TLK1: variants seen among roughly 807,000 people sequenced by gnomAD.
TLK1 encodes tousled like kinase 1, also known as serine/threonine-protein kinase tousled-like 1.
TLK1 carries 24 observed loss-of-function variants against 105.3 expected under a neutral mutation model. That is an observed-to-expected ratio of 0.23 (90% confidence interval 0.17 to 0.32). The LOEUF (loss-of-function observed/expected upper bound fraction) is 0.32, where lower values mean the gene tolerates loss of function less well. Ranked by LOEUF, TLK1 falls within the 10% of genes least tolerant of loss-of-function variation. TLK1 has a pLI of 1.00. For missense variants in TLK1, 558 were observed against 910.5 expected (o/e 0.61, Z 4.98); for synonymous variants, 321 against 310.4 (o/e 1.03, Z -0.36).
At chr2:171,122,769 T>C (rs1004170148) in intron 1 of TLK1, among the ~76,000 whole-genome samples, 9 of 152,078 alleles carry the variant, frequency 5.9e-5, no homozygotes, top group Admixed American at 6.6e-5. Flanking sequence ...CCAGGTGCAG[T>C]GGCTCACATC....
intron 1 of TLK1, among the ~76,000 whole-genome samples, chr2:171,225,516 T>C (rs1332433781): frequency 6.6e-6 from 1 of 152,154 alleles, no homozygotes; most frequent in Non-Finnish European, 1.5e-5. Flanking sequence ...TGTACACTGC[T>C]GGTAGGAAGG....
intron 7 of TLK1, 45 bp downstream of exon 7, chr2:171,055,038 G>A (rs767099686): frequency 8.6e-7 from 1 of 1,157,336 alleles, no homozygotes; most frequent in Non-Finnish European, 1.2e-6. Flanking sequence ...GTTAGTCAAT[G>A]GTTTCTTAGA....
intron 1 of TLK1, among the ~76,000 whole-genome samples, chr2:171,142,911 T>C (rs1356711299): frequency 6.6e-6 from 1 of 151,932 alleles, no homozygotes; most frequent in African/African-American, 2.4e-5. Flanking sequence ...TAGAATGGAG[T>C]CAAATCAGAA....
In TLK1 at chr2:171,041,302, C is replaced by G. The variant is rs181848739; in HGVS notation, c.1169+4872G>C. On this transcript the variant is annotated intron_variant, in intron 11 of 20. Coordinates refer to ENST00000431350, the MANE Select transcript of TLK1 (RefSeq NM_012290.5). ...TTCAACAGTATAATGTAGATACTTTCACAAGAAAATGGAGATTCAAAGAAG... is the reference window on the plus strand; with the variant it reads ...TTCAACAGTATAATGTAGATACTTTGACAAGAAAATGGAGATTCAAAGAAG... Among the ~76,000 whole-genome samples, 148 of 152,304 alleles carry G rather than the reference C, an allele frequency of 9.7e-4. 2 individuals are homozygous for G. Among genetic ancestry groups the G allele is most frequent in the Non-Finnish European group, 1.2e-4 (8 of 68,026 alleles).
At chr2:171,209,643 T>C (rs1416086621) in intron 1 of TLK1, among the ~76,000 whole-genome samples, 1 of 152,154 alleles carries the variant, frequency 6.6e-6, no homozygotes, top group Non-Finnish European at 1.5e-5. Flanking sequence ...GATATGATCT[T>C]TAAGGAGGTA....
upstream of TLK1, among the ~76,000 whole-genome samples, chr2:171,164,750 C>T (rs1270828624): frequency 6.6e-6 from 1 of 152,002 alleles, no homozygotes; most frequent in Non-Finnish European, 1.5e-5. Context: ...TAAATGAAAA[C>T]TTTTAAATGG....
intron 8 of TLK1, among the ~76,000 whole-genome samples, chr2:171,052,939 T>C (rs949602954): frequency 6.6e-6 from 1 of 152,164 alleles, no homozygotes; most frequent in African/African-American, 2.4e-5. Flanking sequence ...AAGACCTACA[T>C]CATCATCAAC....
At chr2:171,147,128 T>A (rs1487697782) in intron 1 of TLK1, among the ~76,000 whole-genome samples, 2 of 152,220 alleles carry the variant, frequency 1.3e-5, no homozygotes, top group Non-Finnish European at 2.9e-5. Flanking sequence ...AAATTATCCT[T>A]CCTCACTAGA....
intron 1 of TLK1, among the ~76,000 whole-genome samples, chr2:171,209,127 C>T (rs79082917): frequency 6.6e-6 from 1 of 152,188 alleles, no homozygotes; most frequent in African/African-American, 2.4e-5. Context: ...AAGTAAGGTG[C>T]AGCACAGCGT....
Position 170,992,658 on chromosome 2 carries a change from T to C in TLK1, c.*1122A>G, listed in dbSNP as rs1306354753. Reference sequence around the variant, plus strand: ...AATTATGTCCAACATGGATCACTTTTACATCTTGATTGTTAATGACTGTCT... The same window carrying C: ...AATTATGTCCAACATGGATCACTTTCACATCTTGATTGTTAATGACTGTCT... On this transcript the variant is annotated 3_prime_UTR_variant, in exon 21 of 21. Transcript: ENST00000431350. 3 of 152,636 alleles carry C rather than the reference T, an allele frequency of 2.0e-5. No individual in the cohort carries two copies. Among genetic ancestry groups the C allele is most frequent in the African/African-American group, 7.2e-5 (3 of 41,470 alleles). The allele number at this position is 152,636 out of a possible 1,614,324, so 9.5% of individuals were successfully genotyped here.
At chr2:171,199,979 A>G (rs1466634520) in intron 1 of TLK1, among the ~76,000 whole-genome samples, 1 of 152,206 alleles carries the variant, frequency 6.6e-6, no homozygotes, top group Non-Finnish European at 1.5e-5. Context: ...GGCTTACAAT[A>G]ATGGCCAATG....
At chr2:171,190,776 T>C (rs1339189887) in intron 1 of TLK1, among the ~76,000 whole-genome samples, 2 of 152,222 alleles carry the variant, frequency 1.3e-5, no homozygotes, top group African/African-American at 4.8e-5. Flanking sequence ...TATAATGTTT[T>C]TCTTTGTGAT....
At chr2:171,051,350 T>C (rs1044198440) in intron 8 of TLK1, among the ~76,000 whole-genome samples, 3 of 152,082 alleles carry the variant, frequency 2.0e-5, no homozygotes, top group African/African-American at 7.2e-5. Flanking sequence ...CCTAGCCAAA[T>C]GACTACAGTT....
intron 11 of TLK1, among the ~76,000 whole-genome samples, chr2:171,039,836 A>G (rs1024655697): frequency 6.6e-6 from 1 of 152,190 alleles, no homozygotes; most frequent in African/African-American, 2.4e-5. Context: ...TAATTTTCAG[A>G]CAAACAAAAA....
chr2:171,217,326 C>T (rs970514981), intron 1 of TLK1, among the ~76,000 whole-genome samples: 11 of 152,200 alleles, frequency 7.2e-5, no homozygotes, highest in African/African-American at 2.7e-4. Context: ...ACCATTCTCC[C>T]TCTCAAATCC....
intron 13 of TLK1, among the ~76,000 whole-genome samples, chr2:171,014,024 C>G (rs1685055569): frequency 6.6e-6 from 1 of 152,258 alleles, no homozygotes; most frequent in Admixed American, 6.5e-5. Flanking sequence ...ATTAAGAACA[C>G]AGACTGTAAG....
chr2:171,181,652 G>A (rs1451664607), intron 1 of TLK1, among the ~76,000 whole-genome samples: 1 of 152,064 alleles, frequency 6.6e-6, no homozygotes, highest in East Asian at 1.9e-4. Context: ...GCAAGGAGAG[G>A]GAGAGGCACC....
chr2:171,099,210 AAAACAGC>A (rs1395057119), intron 2 of TLK1, among the ~76,000 whole-genome samples: 2 of 152,244 alleles, frequency 1.3e-5, no homozygotes, highest in African/African-American at 4.8e-5. Context: ...GTATATCTAT[AAAACAGC>A]AAAGAGCAAT....
rs533818828 is a variant in TLK1 at position 171,017,509 on chromosome 2, CATAA to C, written c.1237-2565_1237-2562del. Among the ~76,000 whole-genome samples the C allele has an allele frequency of 1.8e-3, 267 of 152,200 alleles. 2 individuals are homozygous for C. Among genetic ancestry groups the C allele is most frequent in the East Asian group, 1.2e-3 (6 of 5,186 alleles). On this transcript the variant is annotated intron_variant, in intron 12 of 20. Coordinates refer to ENST00000431350, the MANE Select transcript of TLK1 (RefSeq NM_012290.5). ...TTATAAAAGCTAATTTTTACTGAGT[CATAA>C]ATAAGTAAGATTCAAATAGGTTGTT...
Sources: allele counts gnomAD v4.1 joint callset (sites outside exome capture counted in the v4.1 genomes callset), GRCh38; gene constraint gnomAD v4.1.1; transcripts MANE v1.5; gene names NCBI Gene and HGNC (gene_info 2026-07-23, HGNC 2026-07-21).